SASH1: variants seen among roughly 807,000 people sequenced by gnomAD.
SASH1 encodes SAM and SH3 domain containing 1, also known as SAM and SH3 domain-containing protein 1.
In SASH1, 44 loss-of-function variants were observed where a neutral mutation model predicts 125.2. The observed-to-expected ratio is 0.35, with a 90% CI of 0.28 to 0.45. The LOEUF (loss-of-function observed/expected upper bound fraction) is 0.45. Among genes scored for constraint, SASH1 ranks in the 20% least tolerant of loss-of-function variants. SASH1 has a pLI of 1.00. For synonymous variants in SASH1, 639 were observed against 649.1 expected (o/e 0.98, Z 0.24); for missense variants, 1,426 against 1,614.5 (o/e 0.88, Z 2.00).
At chr6:148,487,144 G>A (rs1778912293) in intron 7 of SASH1, among the ~76,000 whole-genome samples, 1 of 135,732 alleles carries the variant, frequency 7.4e-6, no homozygotes, top group Non-Finnish European at 1.6e-5. Flanking sequence ...TATGTTTCAG[G>A]GTTTGACCCC....
chr6:148,517,258 G>A (rs115527954), intron 9 of SASH1, among the ~76,000 whole-genome samples: 2,075 of 152,264 alleles, frequency 0.014, 56 homozygotes, highest in African/African-American at 0.047. Context: ...ATTGCCCAAG[G>A]TCATGGAGCT....
At chr6:148,274,523 G>A (rs1190581450) in intron 1 of SASH1, among the ~76,000 whole-genome samples, 1 of 152,202 alleles carries the variant, frequency 6.6e-6, no homozygotes, top group African/African-American at 2.4e-5. Flanking sequence ...AGAAAAGGAA[G>A]CAAGCACATT....
the SASH1 span, among the ~76,000 whole-genome samples, chr6:148,228,071 G>A: frequency 6.6e-6 from 1 of 152,154 alleles, no homozygotes; most frequent in Admixed American, 6.5e-5. Context: ...AAAACTGTAA[G>A]AGGATTCATC....
chr6:148,449,956 A>G (rs1777017754), intron 4 of SASH1, among the ~76,000 whole-genome samples: 1 of 152,098 alleles, frequency 6.6e-6, no homozygotes. Context: ...ACTCACTACC[A>G]CAAGCATGGC....
chr6:148,454,570 C>T (rs117475733), intron 4 of SASH1, among the ~76,000 whole-genome samples: 2,205 of 152,198 alleles, frequency 0.014, 25 homozygotes, highest in Non-Finnish European at 0.024. Flanking sequence ...AAAGGGTGTG[C>T]GAAACCATAG....
At chr6:148,425,276 C>G (rs1477710239) in intron 2 of SASH1, among the ~76,000 whole-genome samples, 1 of 152,156 alleles carries the variant, frequency 6.6e-6, no homozygotes, top group East Asian at 1.9e-4. Flanking sequence ...AAAAATTAAA[C>G]TAGATTTAAA....
intron 7 of SASH1, among the ~76,000 whole-genome samples, chr6:148,481,499 T>C (rs180793217): frequency 2.0e-5 from 3 of 152,308 alleles, no homozygotes; most frequent in African/African-American, 4.8e-5. Flanking sequence ...GCTTAATCAT[T>C]CCTAGCTTTT....
intron 8 of SASH1, among the ~76,000 whole-genome samples, chr6:148,505,210 C>T (rs1451493212): frequency 6.6e-6 from 1 of 152,238 alleles, no homozygotes; most frequent in Non-Finnish European, 1.5e-5. Flanking sequence ...GGATCTGAAC[C>T]TGCATTGGCT....
intron 19 of SASH1, among the ~76,000 whole-genome samples, chr6:148,547,369 A>C (rs187736525): frequency 6.6e-6 from 1 of 152,274 alleles, no homozygotes; most frequent in Non-Finnish European, 1.5e-5. Flanking sequence ...GGGTGGTGTG[A>C]GATTTCTTCA....
chr6:148,436,413 A>T (rs1188451123), intron 2 of SASH1, among the ~76,000 whole-genome samples: 1 of 151,896 alleles, frequency 6.6e-6, no homozygotes, highest in Non-Finnish European at 1.5e-5. Flanking sequence ...GCTGAGGTGG[A>T]AGGATCCTTT....
At chr6:148,326,393 TC>T (rs1780828143) in intron 1 of SASH1, among the ~76,000 whole-genome samples, 1 of 105,976 alleles carries the variant, frequency 9.4e-6, no homozygotes, top group African/African-American at 3.4e-5. Flanking sequence ...TCTTTTCTTT[TC>T]TTTTCTTTTC....
At chr6:148,471,387 T>TC in intron 5 of SASH1, 30 bp from the exon 6 acceptor site, 1 of 16,238 alleles carries the variant, frequency 6.2e-5, no homozygotes, top group Non-Finnish European at 1.2e-4. Context: ...CTTTTTGTTC[T>TC]TTTTTTTTTT....
chr6:148,464,854 T>G (rs1037542662), intron 4 of SASH1, among the ~76,000 whole-genome samples: 1 of 152,130 alleles, frequency 6.6e-6, no homozygotes, highest in Non-Finnish European at 1.5e-5. Context: ...TTGGCCAGCA[T>G]CTAGGTGGTG....
chr6:148,385,888 G>A (rs1202747273), intron 1 of SASH1, among the ~76,000 whole-genome samples: 3 of 152,164 alleles, frequency 2.0e-5, no homozygotes, highest in Non-Finnish European at 4.4e-5. Flanking sequence ...GTCAGTAAAT[G>A]TAAGTATAGT....
At chr6:148,370,706 C>A (rs376681676) in intron 1 of SASH1, among the ~76,000 whole-genome samples, 1 of 151,946 alleles carries the variant, frequency 6.6e-6, no homozygotes, top group African/African-American at 2.4e-5. Context: ...GCCTGTAGTC[C>A]CAGCTACTCG....
intron 4 of SASH1, among the ~76,000 whole-genome samples, chr6:148,448,961 G>A (rs1272514355): frequency 6.6e-6 from 1 of 151,670 alleles, no homozygotes; most frequent in African/African-American, 2.4e-5. Flanking sequence ...ACCCTTGATT[G>A]TCAGTTGCCA....
chr6:148,430,349 T>G lies in SASH1; in HGVS notation c.286-9835T>G, dbSNP rs1776011434. Among the ~76,000 whole-genome samples the G allele has an allele frequency of 2.0e-5, 3 of 152,328 alleles. No homozygotes were observed. In the South Asian group the frequency reaches 6.2e-4, roughly 32 times the overall value. On this transcript the variant is annotated intron_variant, in intron 2 of 19. Transcript: ENST00000367467. ...AAGATTTTGTGGATTTCGTTTTGTT[T>G]TAGTCAGAGTCTCGCTCTGTCACCC...
intron 2 of SASH1, among the ~76,000 whole-genome samples, chr6:148,426,247 CT>C (rs1300191276): frequency 6.6e-6 from 1 of 151,954 alleles, no homozygotes; most frequent in African/African-American, 2.4e-5. Flanking sequence ...AATAATAATA[CT>C]TTTTTTTCCA....
At chr6:148,376,700 C>T (rs1343880265) in intron 1 of SASH1, among the ~76,000 whole-genome samples, 1 of 151,738 alleles carries the variant, frequency 6.6e-6, no homozygotes, top group Non-Finnish European at 1.5e-5. Context: ...CCCATCTCTA[C>T]AAAAAATACA....
Sources: gnomAD v4.1 joint callset for allele counts (sites outside exome capture counted in the v4.1 genomes callset) on GRCh38, gnomAD v4.1.1 for gene constraint, MANE v1.5 for transcripts, NCBI Gene and HGNC (gene_info 2026-07-23, HGNC 2026-07-21) for gene names.